PARN: variants seen among roughly 807,000 people sequenced by gnomAD.
PARN encodes the protein poly(A)-specific ribonuclease PARN.
PARN carries 71 observed loss-of-function variants against 102.8 expected under a neutral mutation model. That is an observed-to-expected ratio of 0.69 (90% confidence interval 0.57 to 0.84). The LOEUF (loss-of-function observed/expected upper bound fraction) is 0.84, where lower values mean the gene tolerates loss of function less well. PARN is among the 40% of genes least tolerant of loss of function. The pLI is 0.00. For missense variants in PARN, 782 were observed against 760.9 expected (o/e 1.03, Z -0.33); for synonymous variants, 261 against 252.9 (o/e 1.03, Z -0.30).
At chr16:14,484,953 TCA>T (rs1434171567) in intron 21 of PARN, among the ~76,000 whole-genome samples, 16 of 151,470 alleles carry the variant, frequency 1.1e-4, no homozygotes, top group Admixed American at 2.6e-4. Flanking sequence ...GCACAGTGGC[TCA>T]CACTTGTAAT....
chr16:14,533,150 C>T (rs1325311558), intron 21 of PARN, among the ~76,000 whole-genome samples: 1 of 152,148 alleles, frequency 6.6e-6, no homozygotes, highest in African/African-American at 2.4e-5. Flanking sequence ...CCGTCTGCAA[C>T]CCCGGCACCT....
chr16:14,475,776 C>T (rs1249998564), intron 22 of PARN, among the ~76,000 whole-genome samples: 2 of 152,192 alleles, frequency 1.3e-5, no homozygotes, highest in Non-Finnish European at 2.9e-5. Context: ...TTAATCGTAC[C>T]TTTCTAATTA....
At chr16:14,438,446 G>GGC (rs1960806711) in intron 23 of PARN, among the ~76,000 whole-genome samples, 1 of 150,542 alleles carries the variant, frequency 6.6e-6, no homozygotes, top group Non-Finnish European at 1.5e-5. Context: ...TTAGTTGGGG[G>GGC]GGGGGGTGTG....
intron 18 of PARN, among the ~76,000 whole-genome samples, chr16:14,574,398 T>C (rs1055372146): frequency 1.3e-5 from 2 of 152,104 alleles, no homozygotes; most frequent in Non-Finnish European, 2.9e-5. Flanking sequence ...TTTGGAAAAT[T>C]TGAAACCTGA....
At chr16:14,568,744 A>C (rs1968594574) in intron 18 of PARN, among the ~76,000 whole-genome samples, 1 of 151,674 alleles carries the variant, frequency 6.6e-6, no homozygotes. Flanking sequence ...AAATACAAAA[A>C]GTTAGCAGGG....
intron 21 of PARN, among the ~76,000 whole-genome samples, chr16:14,547,851 C>T (rs915162513): frequency 6.6e-6 from 1 of 152,118 alleles, no homozygotes; most frequent in Non-Finnish European, 1.5e-5. Context: ...CCATTATAAG[C>T]TGCTATATAA....
chr16:14,615,127 GGA>G (rs1233563724), intron 6 of PARN, among the ~76,000 whole-genome samples: 1 of 152,140 alleles, frequency 6.6e-6, no homozygotes, highest in Non-Finnish European at 1.5e-5. Flanking sequence ...CCTTGAAAAT[GGA>G]GAGAGATGAG....
chr16:14,497,586 G>A (rs942912826), intron 21 of PARN, among the ~76,000 whole-genome samples: 14 of 152,282 alleles, frequency 9.2e-5, no homozygotes, highest in Admixed American at 1.3e-4. Flanking sequence ...TTAGTGATAC[G>A]GTGATAAAGC....
chr16:14,436,997 G>A (rs1351924775), intron 23 of PARN, among the ~76,000 whole-genome samples: 3 of 152,224 alleles, frequency 2.0e-5, no homozygotes, highest in Non-Finnish European at 2.9e-5. Context: ...GGGCGCGGAG[G>A]AAGCACCTCC....
Position 14,615,405 on chromosome 16 carries a change from T to C in PARN, c.388+2185A>G, listed in dbSNP as rs142284838. 7.9e-5 allele frequency among the ~76,000 whole-genome samples: 12 copies of C among 152,138 alleles called. No individual in the cohort carries two copies. The East Asian group carries it at 2.1e-3, about 27-fold the overall frequency. On this transcript the variant is annotated intron_variant, in intron 6 of 23. Transcript: ENST00000437198. ...CACTAGTCCAATATAGTGCTCTAAA[T>C]GCATTTGGAACTTATATTTTATAAT...
intron 22 of PARN, among the ~76,000 whole-genome samples, chr16:14,464,877 T>C (rs1310906625): frequency 6.6e-6 from 1 of 151,922 alleles, no homozygotes; most frequent in African/African-American, 2.4e-5. Flanking sequence ...GGCAACATAG[T>C]GATACCTCAT....
At chr16:14,604,764 C>T (rs777813483) in intron 10 of PARN, among the ~76,000 whole-genome samples, 5 of 151,564 alleles carry the variant, frequency 3.3e-5, no homozygotes, top group Non-Finnish European at 7.4e-5. Flanking sequence ...TACAGGTGCG[C>T]ACCAATACGC....
chr16:14,613,877 CA>C (rs775161149), intron 6 of PARN, among the ~76,000 whole-genome samples: 1 of 152,060 alleles, frequency 6.6e-6, no homozygotes, highest in Non-Finnish European at 1.5e-5. Flanking sequence ...AGTGAAAAAG[CA>C]ATGGAAGTCA....
At chr16:14,441,451 C>T (rs7500786) in intron 23 of PARN, among the ~76,000 whole-genome samples, 2 of 152,230 alleles carry the variant, frequency 1.3e-5, no homozygotes, top group Non-Finnish European at 2.9e-5. Flanking sequence ...GCACAGGACA[C>T]TGGAAGCTTC....
intron 22 of PARN, among the ~76,000 whole-genome samples, chr16:14,457,439 T>C (rs925494387): frequency 2.0e-5 from 3 of 152,152 alleles, no homozygotes; most frequent in African/African-American, 7.2e-5. Context: ...GGACAACCTA[T>C]GCTCAGTTCA....
intron 6 of PARN, among the ~76,000 whole-genome samples, chr16:14,611,164 G>A (rs1164162533): frequency 1.3e-5 from 2 of 152,216 alleles, no homozygotes; most frequent in East Asian, 1.9e-4. Flanking sequence ...AGTCGGATAC[G>A]AAAGGAGCTA....
chr16:14,507,670 CA>C (rs932429263), intron 21 of PARN, among the ~76,000 whole-genome samples: 2 of 151,190 alleles, frequency 1.3e-5, no homozygotes, highest in Admixed American at 6.6e-5. Context: ...GCCTGGGTGA[CA>C]GGGGGAAAAA....
rs750247455 is a variant in PARN, at chr16:14,446,990, C to T, written c.1762G>A (p.Asp588Asn). The T allele has an allele frequency of 2.2e-5, 35 of 1,613,514 alleles. No individual in the cohort carries two copies. In the South Asian group the frequency reaches 2.6e-4, roughly 12 times the overall value. ...LEDGVSGEIS[D>N]TELEQTDSCA... ...GAATCGGTCTGCTCAAGCTCAGTGT[C>T]GGAAATCTCCCCTGACACTCCGTCC... Residue 588 changes from aspartate to asparagine, a missense_variant, in exon 23 of 24, where the codon GAC (aspartate) becomes AAC (asparagine). Asp to Asn is a conservative substitution (Grantham distance 23). Transcript: ENST00000437198.
In PARN at chr16:14,608,329, C is replaced by T; in HGVS notation, c.621-10G>A. 2.0e-6 allele frequency: 3 copies of T among 1,514,678 alleles called. 1 individual carries two copies. In the South Asian group the frequency reaches 3.6e-5, roughly 18 times the overall value. 93.8% of individuals were successfully genotyped at this position (1,514,678 alleles called of 1,614,324 possible). ...TAGTTTTCTTTGGAACCTATAAAAA[C>T]AAAAGAAAAGGTATTGATTTTGGCT... is the stretch of plus-strand genomic sequence containing the variant. On this transcript the variant is annotated splice_polypyrimidine_tract_variant and intron_variant, in intron 8 of 23. Transcript: ENST00000437198.
Sources: allele counts gnomAD v4.1 joint callset (sites outside exome capture counted in the v4.1 genomes callset), GRCh38; gene constraint gnomAD v4.1.1; transcripts MANE v1.5; gene names NCBI Gene and HGNC (gene_info 2026-07-23, HGNC 2026-07-21).